RBMS3: variants seen among roughly 807,000 people sequenced by gnomAD.
RBMS3 encodes the protein RNA-binding motif, single-stranded-interacting protein 3.
In RBMS3, 27 loss-of-function variants were observed where a neutral mutation model predicts 66.8. The observed-to-expected ratio is 0.40, with a 90% CI of 0.30 to 0.56. RBMS3 has a LOEUF of 0.56. Ranked by LOEUF, RBMS3 falls within the 20% of genes least tolerant of loss-of-function variation. The pLI is 0.40. For synonymous variants in RBMS3, 188 were observed against 183.0 expected (o/e 1.03, Z -0.22); for missense variants, 513 against 549.5 (o/e 0.93, Z 0.66).
At chr3:29,305,556 A>C (rs2033952650) in intron 1 of RBMS3, among the ~76,000 whole-genome samples, 1 of 151,934 alleles carries the variant, frequency 6.6e-6, no homozygotes, top group Non-Finnish European at 1.5e-5. Context: ...TGTCTCTGAC[A>C]ACAAAAATGG....
chr3:29,294,191 T>C (rs2033057828), intron 1 of RBMS3, among the ~76,000 whole-genome samples: 1 of 151,838 alleles, frequency 6.6e-6, no homozygotes, highest in South Asian at 2.1e-4. Flanking sequence ...CATTGGTCCA[T>C]TGCTGAAGGC....
intron 1 of RBMS3, among the ~76,000 whole-genome samples, chr3:29,399,099 C>A (rs1313977434): frequency 3.3e-5 from 5 of 152,118 alleles, no homozygotes; most frequent in African/African-American, 1.2e-4. Flanking sequence ...TTTAGCCCTG[C>A]CTCATTTCCC....
chr3:29,488,416 G>GTT lies in RBMS3; in HGVS notation c.249-19_249-18dup, dbSNP rs748815775. On this transcript the variant is annotated intron_variant, in intron 2 of 14. Transcript: ENST00000383767. Reference sequence around the variant, plus strand: ...TCTTCAATGGGTTACAATAACATGGGTTTTTTTCTCTCTCTCTCTTTCAGG... The same window carrying GTT: ...TCTTCAATGGGTTACAATAACATGGGTTTTTTTTTCTCTCTCTCTCTTTCAGG... The GTT allele has an allele frequency of 1.6e-4, 258 of 1,576,168 alleles. 14 individuals carry two copies. The South Asian group carries it at 2.8e-3, about 17-fold the overall frequency.
At chr3:29,733,899 A>G (rs920150820) in intron 4 of RBMS3, among the ~76,000 whole-genome samples, 1 of 152,038 alleles carries the variant, frequency 6.6e-6, no homozygotes, top group Non-Finnish European at 1.5e-5. Context: ...TAAGTCTTTA[A>G]GCCGTTTTGA....
intron 7 of RBMS3, among the ~76,000 whole-genome samples, chr3:29,878,722 C>T (rs998445504): frequency 5.3e-5 from 8 of 151,984 alleles, no homozygotes; most frequent in Admixed American, 3.9e-4. Flanking sequence ...TTAAAGGATC[C>T]CCTCACCCCA....
intron 1 of RBMS3, among the ~76,000 whole-genome samples, chr3:29,377,056 T>C (rs573886158): frequency 4.6e-4 from 70 of 150,694 alleles, no homozygotes; most frequent in African/African-American, 1.7e-3. Flanking sequence ...GCCATTGCAC[T>C]ATAGCCTCGG....
At position 29,730,619 on chromosome 3, in the gene RBMS3, C is replaced by G. The variant is rs74643537; in HGVS notation, c.400-9101C>G. Among the ~76,000 whole-genome samples the G allele has an allele frequency of 7.8e-3, 1,183 of 152,154 alleles. 26 individuals are homozygous for G. Among genetic ancestry groups the G allele is most frequent in the East Asian group, 0.063 (325 of 5,154 alleles). On this transcript the variant is annotated intron_variant, in intron 4 of 14. Coordinates refer to ENST00000383767, the MANE Select transcript of RBMS3 (RefSeq NM_001003793.3). Reference sequence around the variant, plus strand: ...TTGTTTGGGGCATCATAGTCTTTATCGATAAATCAGTTACAGCTTTCTATC... The same window carrying G: ...TTGTTTGGGGCATCATAGTCTTTATGGATAAATCAGTTACAGCTTTCTATC...
intron 6 of RBMS3, among the ~76,000 whole-genome samples, chr3:29,825,607 G>C (rs938254194): frequency 6.6e-6 from 1 of 152,254 alleles, no homozygotes; most frequent in East Asian, 1.9e-4. Context: ...ACATGACTTT[G>C]CTTCTCCTTT....
At chr3:29,752,587 T>C (rs575828842) in intron 5 of RBMS3, among the ~76,000 whole-genome samples, 2 of 152,320 alleles carry the variant, frequency 1.3e-5, no homozygotes, top group African/African-American at 2.4e-5. Flanking sequence ...TTCATATATG[T>C]TGCTAGTAAA....
At chr3:29,284,554 A>C (rs1416248372) in intron 1 of RBMS3, among the ~76,000 whole-genome samples, 1 of 152,142 alleles carries the variant, frequency 6.6e-6, no homozygotes, top group Non-Finnish European at 1.5e-5. Context: ...ATTCCCTGGA[A>C]TACATAGTAA....
chr3:29,794,078 A>G (rs1263544588), intron 6 of RBMS3, among the ~76,000 whole-genome samples: 1 of 152,184 alleles, frequency 6.6e-6, no homozygotes. Flanking sequence ...GGCCCTCACC[A>G]GAAGCAGTTG....
At chr3:29,610,178 T>C (rs2048446599) in intron 4 of RBMS3, among the ~76,000 whole-genome samples, 1 of 152,064 alleles carries the variant, frequency 6.6e-6, no homozygotes, top group South Asian at 2.1e-4. Flanking sequence ...TGAAAGATGA[T>C]ACAAGATAAA....
At chr3:29,302,427 C>G (rs559066213) in intron 1 of RBMS3, among the ~76,000 whole-genome samples, 2 of 151,904 alleles carry the variant, frequency 1.3e-5, no homozygotes, top group Non-Finnish European at 2.9e-5. Flanking sequence ...TTATGTTTTA[C>G]CCTCCCTGGC....
At chr3:29,430,290 C>T (rs1048405275) in intron 1 of RBMS3, among the ~76,000 whole-genome samples, 74 of 152,130 alleles carry the variant, frequency 4.9e-4, no homozygotes, top group Admixed American at 5.9e-4. Flanking sequence ...GGTTCAATAA[C>T]ACCGAGAAAA....
At chr3:29,452,819 T>C (rs2125763691) in intron 2 of RBMS3, among the ~76,000 whole-genome samples, 1 of 152,288 alleles carries the variant, frequency 6.6e-6, no homozygotes, top group Admixed American at 6.5e-5. Context: ...AGGAATTTTA[T>C]AATAAACAGA....
rs551683028 is a variant in RBMS3, at chr3:29,487,483, C to A, written c.249-958C>A. On this transcript the variant is annotated intron_variant, in intron 2 of 14. Coordinates refer to ENST00000383767, the MANE Select transcript of RBMS3 (RefSeq NM_001003793.3). The stretch of plus-strand genomic sequence containing the variant: ...CAATTTTCTCAGTGGAATTTTTTGA[C>A]AGTCTAAGTAGTAATGTTTGAAGCT... 2.1e-3 allele frequency among the ~76,000 whole-genome samples: 319 copies of A among 152,206 alleles called. 1 individual carries two copies. The highest frequency in any genetic ancestry group is 6.8e-3 in the African/African-American group (281 of 41,520).
At chr3:29,429,572 A>G (rs2041101237) in intron 1 of RBMS3, among the ~76,000 whole-genome samples, 1 of 152,158 alleles carries the variant, frequency 6.6e-6, no homozygotes. Flanking sequence ...TCCCCTTCTG[A>G]ATGTGCCATT....
intron 1 of RBMS3, among the ~76,000 whole-genome samples, chr3:29,425,429 G>A (rs980277481): frequency 6.6e-6 from 1 of 150,808 alleles, no homozygotes; most frequent in Non-Finnish European, 1.5e-5. Flanking sequence ...TAATTTTAGG[G>A]AAATAGAGTA....
At chr3:29,580,555 A>C (rs1398248474) in intron 3 of RBMS3, among the ~76,000 whole-genome samples, 13 of 152,114 alleles carry the variant, frequency 8.5e-5, no homozygotes, top group Non-Finnish European at 1.8e-4. Flanking sequence ...ACTGCATTTA[A>C]ATTTATTTAT....
Sources: gnomAD v4.1 joint callset for allele counts (sites outside exome capture counted in the v4.1 genomes callset) on GRCh38, gnomAD v4.1.1 for gene constraint, MANE v1.5 for transcripts, NCBI Gene and HGNC (gene_info 2026-07-23, HGNC 2026-07-21) for gene names.